The following MPRIP variants were observed in gnomAD, a reference collection of about 807,000 sequenced individuals.
MPRIP encodes the protein myosin phosphatase Rho-interacting protein.
In MPRIP, 59 loss-of-function variants were observed where a neutral mutation model predicts 234.9. The ratio of observed to expected loss-of-function variants is 0.25; its 90% CI spans 0.20 to 0.31. MPRIP has a LOEUF of 0.31. MPRIP is among the 10% of genes least tolerant of loss of function. MPRIP has a pLI of 1.00. For missense variants in MPRIP, 2,436 were observed against 3,071.0 expected (o/e 0.79, Z 4.89); for synonymous variants, 1,144 against 1,263.9 (o/e 0.91, Z 2.01).
chr17:17,132,847 A>G (rs1181923239), intron 5 of MPRIP, among the ~76,000 whole-genome samples: 5 of 152,196 alleles, frequency 3.3e-5, no homozygotes, highest in African/African-American at 9.7e-5. Flanking sequence ...TGGGACTGAA[A>G]ATGGAGCTTC....
chr17:17,058,126 A>G (rs2088761934), intron 1 of MPRIP, among the ~76,000 whole-genome samples: 1 of 152,154 alleles, frequency 6.6e-6, no homozygotes. Context: ...GAGCTGTTCT[A>G]GGGAACACGG....
intron 4 of MPRIP, among the ~76,000 whole-genome samples, chr17:17,127,410 C>T (rs1445841126): frequency 6.6e-6 from 1 of 152,256 alleles, no homozygotes. Context: ...GTCTCACTCA[C>T]CCAGGTCCCC....
chr17:17,150,072 AC>A, intron 11 of MPRIP, 71 bp from the exon 12 acceptor site: 1 of 1,092,998 alleles, frequency 9.1e-7, no homozygotes, highest in South Asian at 1.3e-5. Context: ...AAAATCACTT[AC>A]GGAAATTTGC....
At position 17,164,541 on chromosome 17, in the gene MPRIP, C is replaced by A; in HGVS notation, c.2950C>A (p.Arg984=). ...RGLETQQALQ[R]DRQKEVQRLQ... ...CCTGGAGACACAGCAGGCGCTGCAG[C>A]GGGACCGGCAGAAGGAGGTCCAGAG... Residue 984 remains arginine, a synonymous_variant, in exon 16 of 24, where the codon CGG becomes AGG. Transcript: ENST00000651222. The A allele has an allele frequency of 5.0e-6, 6 of 1,208,654 alleles. No homozygotes were observed. The highest frequency in any genetic ancestry group is 5.3e-6 in the Non-Finnish European group (5 of 946,676). The allele number at this position is 1,208,654 out of a possible 1,614,324, so 74.9% of individuals were successfully genotyped here.
At chr17:17,142,403 G>T (rs1034825413) in intron 7 of MPRIP, 25 of 503,038 alleles carry the variant, frequency 5.0e-5, no homozygotes, top group African/African-American at 4.6e-4. Context: ...GGCCTCTAGC[G>T]CGGGGGCAGA....
intron 1 of MPRIP, among the ~76,000 whole-genome samples, chr17:17,072,548 C>T (rs529229880): frequency 2.0e-5 from 3 of 152,228 alleles, no homozygotes; most frequent in African/African-American, 7.2e-5. Flanking sequence ...ACGGTAATGG[C>T]AGAAGTGAGT....
chr17:17,158,612 G>T lies in MPRIP; in HGVS notation c.2010G>T (p.Gln670His), dbSNP rs2045786668. The change falls in exon 14 of 24, where the codon CAG (glutamine) becomes CAT (histidine). Residue 670 changes from glutamine (Q) to histidine (H), a missense_variant. Around this residue, in one of 4 missense-constraint regions of MPRIP, gnomAD observed 1,998 missense variants for 2,520.3 expected, o/e 0.79. Coordinates refer to ENST00000651222, the MANE Select transcript of MPRIP (RefSeq NM_001364716.4). ...ACTGGGCTGAGTTCCGTCCCATCCA[G>T]CAGGCCCTGGCTCAGGAGCGGGTGG... ...TFDWAEFRPI[Q>H]QALAQERVGG... 1.9e-6 allele frequency: 3 copies of T among 1,604,000 alleles called. No individual in the cohort carries two copies. The highest frequency in any genetic ancestry group is 2.6e-6 in the Non-Finnish European group (3 of 1,175,910).
chr17:17,107,117 T>A (rs1460137544), intron 3 of MPRIP, among the ~76,000 whole-genome samples: 1 of 152,252 alleles, frequency 6.6e-6, no homozygotes, highest in Non-Finnish European at 1.5e-5. Flanking sequence ...CTCCTGTCCT[T>A]TGGAAACGTA....
chr17:17,173,869 G>A, intron 18 of MPRIP, 47 bp from the exon 19 acceptor site: 1 of 1,611,410 alleles, frequency 6.2e-7, no homozygotes, highest in Non-Finnish European at 8.5e-7. Context: ...CCTCTGAGAG[G>A]CCTTGTCCAG....
At chr17:17,146,275 T>A (rs188015733) in intron 10 of MPRIP, among the ~76,000 whole-genome samples, 183 bp downstream of exon 10, 131 of 152,336 alleles carry the variant, frequency 8.6e-4, no homozygotes, top group African/African-American at 3.1e-3. Flanking sequence ...GCACACAGCC[T>A]TCATTTCTGC....
chr17:17,118,760 TG>T (rs2090333265), intron 3 of MPRIP, among the ~76,000 whole-genome samples: 1 of 152,178 alleles, frequency 6.6e-6, no homozygotes, highest in Admixed American at 6.5e-5. Context: ...TGGGCCTGCA[TG>T]GGATCATGAC....
Position 17,138,202 on chromosome 17 carries a change from T to G in MPRIP, c.1023T>G (p.Pro341=), listed in dbSNP as rs1392208990. The change falls in exon 7 of 24, where the codon CCT becomes CCG. Residue 341 remains proline, a synonymous_variant. Coordinates refer to ENST00000651222, the MANE Select transcript of MPRIP (RefSeq NM_001364716.4). The surrounding 1 kb of genome is among the most constrained non-coding windows in gnomAD (Gnocchi z 5.8). ...CCCTGGATGTGGCCAGCCAGCCACC[T>G]GCCTACGTGGACTCTGGCAGCACTA... is the stretch of plus-strand genomic sequence containing the variant. ...LSSLDVASQP[P]AYVDSGSTRG... 23 of 843,576 alleles carry G rather than the reference T, an allele frequency of 2.7e-5. No homozygotes were observed. Among genetic ancestry groups the G allele is most frequent in the Non-Finnish European group, 4.1e-5 (23 of 559,016 alleles). The allele number at this position is 843,576 out of a possible 1,614,324, so 52.3% of individuals were successfully genotyped here.
intron 5 of MPRIP, among the ~76,000 whole-genome samples, chr17:17,135,112 C>A (rs2090668873): frequency 6.6e-6 from 1 of 152,240 alleles, no homozygotes; most frequent in South Asian, 2.1e-4. Flanking sequence ...CTGTTGGCAG[C>A]CCTCTGGGCA....
rs1285005004 is a variant in MPRIP, at chr17:17,136,343, C to T, written c.629C>T (p.Thr210Ile). 6.2e-7 allele frequency: 1 copy of T among 1,612,418 alleles called. No homozygotes were observed. The highest frequency in any genetic ancestry group is 8.5e-7 in the Non-Finnish European group (1 of 1,179,302). The part of the protein sequence containing the change: ...KSTLWQEEMR[T>I]KDQPDGSSLS... ...ACACTCTGGCAGGAAGAAATGAGGA[C>T]CAAGGACCAGCCAGATGGCAGCAGC... is the stretch of plus-strand genomic sequence containing the variant. Residue 210 changes from threonine to isoleucine, a missense_variant, in exon 6 of 24, where the codon ACC becomes ATC. Thr to Ile is a moderately conservative substitution (Grantham distance 89, BLOSUM62 -1). Transcript: ENST00000651222.
At chr17:17,158,295 T>G (rs1196616168) in intron 13 of MPRIP, 137 bp from the exon 14 acceptor site, 4 of 702,600 alleles carry the variant, frequency 5.7e-6, no homozygotes, top group Non-Finnish European at 9.3e-6. Context: ...TCCCTGCACT[T>G]AGGAAGCTGG....
intron 4 of MPRIP, among the ~76,000 whole-genome samples, chr17:17,127,589 G>T (rs953119393): frequency 3.9e-5 from 6 of 152,246 alleles, no homozygotes; most frequent in Non-Finnish European, 8.8e-5. Flanking sequence ...GTCCGTGCAG[G>T]TGAACAGGCT....
rs1226298988 is a variant in MPRIP at position 17,164,829 on chromosome 17, C to T, written c.3238C>T (p.His1080Tyr). Reference protein sequence around the residue: ...SATFEGSEQVHQLEEQLEARE... With the variant: ...SATFEGSEQVYQLEEQLEARE... ...CACTTTCGAGGGCAGTGAGCAGGTG[C>T]ACCAGCTGGAGGAGCAGCTGGAGGC... The change falls in exon 16 of 24, where the codon CAC becomes TAC. Residue 1080 changes from histidine to tyrosine, a missense_variant. Coordinates refer to ENST00000651222, the MANE Select transcript of MPRIP (RefSeq NM_001364716.4). 1 of 1,304,164 alleles carries T rather than the reference C, an allele frequency of 7.7e-7. No individual in the cohort carries two copies. The highest frequency in any genetic ancestry group is 1.0e-6 in the Non-Finnish European group (1 of 988,940). The allele number at this position is 1,304,164 out of a possible 1,614,324, so 80.8% of individuals were successfully genotyped here.
At chr17:17,054,988 T>A (rs1258829816) in intron 1 of MPRIP, among the ~76,000 whole-genome samples, 4 of 151,438 alleles carry the variant, frequency 2.6e-5, no homozygotes, top group Non-Finnish European at 1.5e-5. Context: ...AGGTGGAGGT[T>A]GCAGTGTGCT....
chr17:17,090,981 G>T (rs1007866109), intron 3 of MPRIP, among the ~76,000 whole-genome samples: 1 of 152,044 alleles, frequency 6.6e-6, no homozygotes, highest in African/African-American at 2.4e-5. Context: ...GGGCCCTAAC[G>T]CTGTCAGGTG....
Sources: gnomAD v4.1 joint callset for allele counts (sites outside exome capture counted in the v4.1 genomes callset) on GRCh38, gnomAD v4.1.1 for gene constraint, gnomAD v4.1.1 regional missense constraint, Gnocchi (gnomAD v3.1) non-coding constraint, MANE v1.5 for transcripts, NCBI Gene and HGNC (gene_info 2026-07-23, HGNC 2026-07-21) for gene names.